MACROH2A2: variants seen among roughly 807,000 people sequenced by gnomAD.
MACROH2A2 encodes macroH2A.2 histone, also known as core histone macro-H2A.2.
A neutral mutation model predicts 37.6 loss-of-function variants in MACROH2A2; 6 were observed. The observed-to-expected ratio is 0.16, with a 90% CI of 0.09 to 0.32. The LOEUF (loss-of-function observed/expected upper bound fraction) is 0.32, where lower values mean the gene tolerates loss of function less well. Among genes scored for constraint, MACROH2A2 ranks in the 10% least tolerant of loss-of-function variants. MACROH2A2 has a pLI of 1.00. For synonymous variants in MACROH2A2, 192 were observed against 202.7 expected (o/e 0.95, Z 0.45); for missense variants, 290 against 485.9 (o/e 0.60, Z 3.79).
chr10:70,087,398 A>G (rs1241144761), intron 2 of MACROH2A2, among the ~76,000 whole-genome samples: 1 of 151,896 alleles, frequency 6.6e-6, no homozygotes, highest in Non-Finnish European at 1.5e-5. Flanking sequence ...AAGCCTGGCT[A>G]ATTTTTGTAT....
At chr10:70,098,474 T>C (rs2072288587) in intron 6 of MACROH2A2, 1 of 152,178 alleles carries the variant, frequency 6.6e-6, no homozygotes. Flanking sequence ...GTCCACGCAC[T>C]GCAGTTGGTT....
chr10:70,104,202 G>A (rs1448286438), intron 7 of MACROH2A2, among the ~76,000 whole-genome samples: 1 of 152,118 alleles, frequency 6.6e-6, no homozygotes, highest in Non-Finnish European at 1.5e-5. Context: ...TACTCTTATT[G>A]TATGTAACAT....
chr10:70,101,203 C>G (rs905499318), intron 7 of MACROH2A2, among the ~76,000 whole-genome samples: 1 of 152,162 alleles, frequency 6.6e-6, no homozygotes, highest in Non-Finnish European at 1.5e-5. Flanking sequence ...GGTGATCAAA[C>G]AAAGAAACAG....
chr10:70,068,763 C>T (rs1433836104), intron 1 of MACROH2A2, among the ~76,000 whole-genome samples: 1 of 152,206 alleles, frequency 6.6e-6, no homozygotes, highest in Non-Finnish European at 1.5e-5. Context: ...CTTAAACCTT[C>T]CTGCAGTGCT....
intron 2 of MACROH2A2, among the ~76,000 whole-genome samples, chr10:70,081,903 A>G (rs1161287961): frequency 1.3e-5 from 2 of 152,254 alleles, no homozygotes; most frequent in Non-Finnish European, 2.9e-5. Context: ...CCCATTTTCC[A>G]TGATGTAATT....
chr10:70,067,680 T>C (rs2072086637), intron 1 of MACROH2A2, among the ~76,000 whole-genome samples: 1 of 152,016 alleles, frequency 6.6e-6, no homozygotes. Flanking sequence ...AAGACAGAAG[T>C]AGAGCTTAGG....
At chr10:70,111,470 G>T in intron 8 of MACROH2A2, 48 bp from the exon 9 acceptor site, 1 of 1,574,258 alleles carries the variant, frequency 6.4e-7, no homozygotes. Context: ...TGCTCCCATG[G>T]GTCCCAGGGA....
intron 1 of MACROH2A2, among the ~76,000 whole-genome samples, chr10:70,072,546 T>C (rs2072116693): frequency 6.6e-6 from 1 of 152,198 alleles, no homozygotes; most frequent in Non-Finnish European, 1.5e-5. Flanking sequence ...TATCAAGTAT[T>C]ATATACTATA....
Position 70,075,251 on chromosome 10 carries a change from TATAAG to T in MACROH2A2, c.-59-344_-59-340del, listed in dbSNP as rs1029308994. Among the ~76,000 whole-genome samples the T allele has an allele frequency of 2.6e-5, 4 of 152,238 alleles. No individual in the cohort carries two copies. Among genetic ancestry groups the T allele is most frequent in the Admixed American group, 2.0e-4 (3 of 15,284 alleles). ...AATCCCATCTGCAAAGTCTCTGTCA[TATAAG>T]ATAACAGTCACAGGTTCTGGGGATG... is the stretch of plus-strand genomic sequence containing the variant. On this transcript the variant is annotated intron_variant, in intron 1 of 8. Transcript: ENST00000373255. This position sits in a 1 kb window ranked among gnomAD's most constrained non-coding sequence, Gnocchi z 5.0.
At chr10:70,092,068 G>C (rs2072248719) in intron 4 of MACROH2A2, 114 bp downstream of exon 4, 10 of 819,822 alleles carry the variant, frequency 1.2e-5, no homozygotes, top group Non-Finnish European at 1.9e-5. Flanking sequence ...AGGATTACAA[G>C]GTGTGGGCTT....
Position 70,071,744 on chromosome 10 carries a change from AATGGTG to A in MACROH2A2, c.-59-3850_-59-3845del, listed in dbSNP as rs953488602. Among the ~76,000 whole-genome samples, 93 of 152,346 alleles carry A rather than the reference AATGGTG, an allele frequency of 6.1e-4. 1 individual carries two copies. Among genetic ancestry groups the A allele is most frequent in the African/African-American group, 2.0e-3 (84 of 41,572 alleles). On this transcript the variant is annotated intron_variant, in intron 1 of 8. Transcript: ENST00000373255. ...TCTTACCATACTGAATACTGCAGGC[AATGGTG>A]ATGGTAAGTTTTTGTGTCTCTAAAC...
chr10:70,092,395 T>C (rs977407454), intron 4 of MACROH2A2, among the ~76,000 whole-genome samples: 5 of 152,064 alleles, frequency 3.3e-5, no homozygotes, highest in Non-Finnish European at 7.4e-5. Flanking sequence ...ATGGCACCAC[T>C]GCACTCGAGC....
intron 2 of MACROH2A2, 24 bp from the exon 3 acceptor site, chr10:70,090,036 G>A (rs776522214): frequency 1.8e-5 from 27 of 1,502,568 alleles, no homozygotes; most frequent in Middle Eastern, 3.4e-4. Flanking sequence ...GTGATTGCCT[G>A]TTAATGCCTC....
chr10:70,093,991 T>C, intron 5 of MACROH2A2, 146 bp downstream of exon 5: 1 of 568,242 alleles, frequency 1.8e-6, no homozygotes, highest in Non-Finnish European at 3.2e-6. Context: ...TAAAGAGCTG[T>C]GGCAGTGTCA....
Position 70,075,024 on chromosome 10 carries a change from C to A in MACROH2A2, c.-59-576C>A, listed in dbSNP as rs2072132249. Among the ~76,000 whole-genome samples, 4 of 152,138 alleles carry A rather than the reference C, an allele frequency of 2.6e-5. No homozygotes were observed. The South Asian group carries it at 6.2e-4, about 24-fold the overall frequency. On this transcript the variant is annotated intron_variant, in intron 1 of 8. Coordinates refer to ENST00000373255, the MANE Select transcript of MACROH2A2 (RefSeq NM_018649.3). This position sits in a 1 kb window ranked among gnomAD's most constrained non-coding sequence, Gnocchi z 5.0. The stretch of plus-strand genomic sequence containing the variant: ...TTCTTATAGTTCAGGGGTCAGAAGT[C>A]CAAAATTAGCCTTACTGGGCTAAAG...
intron 6 of MACROH2A2, chr10:70,099,557 A>G (rs914941415): frequency 6.6e-6 from 1 of 152,228 alleles, no homozygotes; most frequent in Non-Finnish European, 1.5e-5. Context: ...GCTGGTGCAC[A>G]CCGACAGGGT....
rs907416927 is a variant in MACROH2A2, at chr10:70,086,109, C to CA, written c.173-3950dup. On this transcript the variant is annotated intron_variant, in intron 2 of 8. Coordinates refer to ENST00000373255, the MANE Select transcript of MACROH2A2 (RefSeq NM_018649.3). ...AACTCCTGAGCTCAAATGATCCTCC[C>CA]ACCCCAGCCTCCCAAAGTGCTGGGG... is the stretch of plus-strand genomic sequence containing the variant. Among the ~76,000 whole-genome samples the CA allele has an allele frequency of 1.2e-3, 188 of 152,052 alleles. 2 individuals carry two copies. The highest frequency in any genetic ancestry group is 4.3e-3 in the African/African-American group (178 of 41,482).
chr10:70,075,742 G>C lies in MACROH2A2; in HGVS notation c.84G>C (p.Leu28=), dbSNP rs2072135633. 1 of 1,614,002 alleles carries C rather than the reference G, an allele frequency of 6.2e-7. No homozygotes were observed. Among genetic ancestry groups the C allele is most frequent in the African/African-American group, 1.3e-5 (1 of 74,924 alleles). Residue 28 remains leucine, a synonymous_variant, in exon 2 of 9, where the codon CTG becomes CTC. Coordinates refer to ENST00000373255, the MANE Select transcript of MACROH2A2 (RefSeq NM_018649.3). This position sits in a 1 kb window ranked among gnomAD's most constrained non-coding sequence, Gnocchi z 5.0. The part of the protein sequence containing the change: ...RAGVIFPVGR[L]MRYLKKGTFK... ...GTGTCATCTTTCCAGTGGGGAGGCT[G>C]ATGCGTTATCTGAAGAAAGGGACGT...
intron 8 of MACROH2A2, among the ~76,000 whole-genome samples, chr10:70,111,176 G>A (rs963068610): frequency 2.6e-5 from 4 of 152,202 alleles, no homozygotes; most frequent in East Asian, 1.9e-4. Flanking sequence ...TGCTGAGGCA[G>A]GAGAATCGCT....
Sources: allele counts gnomAD v4.1 joint callset (sites outside exome capture counted in the v4.1 genomes callset), GRCh38; gene constraint gnomAD v4.1.1; non-coding constraint Gnocchi (gnomAD v3.1); transcripts MANE v1.5; gene names NCBI Gene and HGNC (gene_info 2026-07-23, HGNC 2026-07-21).